MTFMT: variants seen among roughly 807,000 people sequenced by gnomAD.
MTFMT encodes the protein methionyl-tRNA formyltransferase, mitochondrial.
A neutral mutation model predicts 51.8 loss-of-function variants in MTFMT; 47 were observed. That is an observed-to-expected ratio of 0.91 (90% CI 0.72 to 1.16). The LOEUF (loss-of-function observed/expected upper bound fraction) is 1.16, where lower values mean the gene tolerates loss of function less well. MTFMT is among the 50% of genes most tolerant of loss of function. The pLI, the probability that MTFMT is intolerant of heterozygous loss-of-function variation, is 0.00. For synonymous variants in MTFMT, 196 were observed against 176.7 expected (o/e 1.11, Z -0.87); for missense variants, 512 against 482.3 (o/e 1.06, Z -0.58).
chr15:65,018,070 C>T (rs924857108), intron 5 of MTFMT, among the ~76,000 whole-genome samples: 2 of 151,788 alleles, frequency 1.3e-5, no homozygotes, highest in Non-Finnish European at 2.9e-5. Context: ...TATGAGTGTA[C>T]CTTTTTAAGC....
intron 1 of MTFMT, 88 bp downstream of exon 1, chr15:65,029,317 C>T (rs2086457932): frequency 7.5e-7 from 1 of 1,330,202 alleles, no homozygotes; most frequent in African/African-American, 1.5e-5. Flanking sequence ...CTTTCCGCAA[C>T]CAGAAGTCCA....
chr15:65,029,149 G>T (rs1266965322), intron 1 of MTFMT: 3 of 502,414 alleles, frequency 6.0e-6, no homozygotes, highest in African/African-American at 4.2e-5. Flanking sequence ...TCGGCACAGC[G>T]TGGGTGGCAG....
chr15:65,021,445 C>T, intron 4 of MTFMT, 69 bp downstream of exon 4: 2 of 1,166,212 alleles, frequency 1.7e-6, no homozygotes, highest in East Asian at 2.4e-5. Flanking sequence ...CAAAATTGTT[C>T]TTCTTTTTAT....
intron 4 of MTFMT, among the ~76,000 whole-genome samples, chr15:65,021,147 G>A (rs572843197): frequency 6.6e-6 from 1 of 152,322 alleles, no homozygotes; most frequent in African/African-American, 2.4e-5. Context: ...GCAAAGAAAT[G>A]GAAGGAAAGC....
At position 65,029,601 on chromosome 15, in the gene MTFMT, C is replaced by A; in HGVS notation, c.13G>T (p.Val5Leu). The change falls in exon 1 of 9, where the codon GTG (valine) becomes TTG (leucine). Residue 5 changes from valine to leucine, a missense_variant. Val to Leu is a conservative substitution (Grantham distance 32, BLOSUM62 1). Transcript: ENST00000220058. Reference protein sequence around the residue: MRVLVRRCWGPPLAH... With the variant: MRVLLRRCWGPPLAH... ...AGCGGAGGACCCCAACAGCGCCGCA[C>A]CAACACCCTCATCGCCTCGGCCGCC... The A allele has an allele frequency of 2.1e-6, 3 of 1,428,354 alleles. No homozygotes were observed. The highest frequency in any genetic ancestry group is 1.8e-6 in the Non-Finnish European group (2 of 1,086,744). 88.5% of individuals were successfully genotyped at this position (1,428,354 alleles called of 1,614,324 possible).
chr15:65,010,369 C>T (rs1040179214), intron 6 of MTFMT, among the ~76,000 whole-genome samples: 5 of 3,744 alleles, frequency 1.3e-3, no homozygotes, highest in Admixed American at 0.034. Context: ...CCAGAAAAAA[C>T]GCCATCCATT....
intron 3 of MTFMT, among the ~76,000 whole-genome samples, chr15:65,023,469 T>C (rs187597973): frequency 9.2e-5 from 14 of 152,234 alleles, no homozygotes; most frequent in African/African-American, 3.4e-4. Flanking sequence ...ACATATGGAC[T>C]TTAAAGAGAC....
At chr15:65,007,838 C>T (rs1217187137) in intron 6 of MTFMT, among the ~76,000 whole-genome samples, 2 of 152,142 alleles carry the variant, frequency 1.3e-5, no homozygotes, top group Non-Finnish European at 2.9e-5. Flanking sequence ...GGAAATTAGC[C>T]TTTTAACTCT....
At position 65,021,490 on chromosome 15, in the gene MTFMT, C is replaced by T. The variant is rs192433954; in HGVS notation, c.645+24G>A. ...GGAAACCCACTAAATGAGTAAAAAG[C>T]AGTAGGATATTGGGGAATTATACCA... On this transcript the variant is annotated intron_variant, in intron 4 of 8. Transcript: ENST00000220058. The T allele has an allele frequency of 2.2e-5, 34 of 1,539,254 alleles. No homozygotes were observed. The African/African-American group carries it at 2.6e-4, about 12-fold the overall frequency.
In MTFMT at chr15:65,002,001, T is replaced by G. The variant is rs2086179990; in HGVS notation, c.*1061A>C. On this transcript the variant is annotated 3_prime_UTR_variant, in exon 9 of 9. Transcript: ENST00000220058. ...TAGCTGGTAGTGAAATGTAAAGAGC[T>G]GGATTTACTACTTATAGGAAATAAA... 1 of 152,204 alleles carries G rather than the reference T, an allele frequency of 6.6e-6. No individual in the cohort carries two copies. Among genetic ancestry groups the G allele is most frequent in the Non-Finnish European group, 1.5e-5 (1 of 68,040 alleles). 9.4% of individuals were successfully genotyped at this position (152,204 alleles called of 1,614,324 possible).
chr15:65,017,488 T>G (rs2086333687), intron 5 of MTFMT, among the ~76,000 whole-genome samples: 1 of 152,184 alleles, frequency 6.6e-6, no homozygotes, highest in Non-Finnish European at 1.5e-5. Flanking sequence ...TTGGGTTAAT[T>G]ATGATATATT....
At chr15:65,011,482 TGTC>T (rs1220717364) in intron 6 of MTFMT, among the ~76,000 whole-genome samples, 6 of 128,836 alleles carry the variant, frequency 4.7e-5, no homozygotes, top group African/African-American at 8.4e-5. Context: ...TTCTGTAAGC[TGTC>T]TTTTTTTTTT....
intron 6 of MTFMT, among the ~76,000 whole-genome samples, chr15:65,011,649 A>T (rs1034312068): frequency 2.0e-5 from 3 of 151,842 alleles, no homozygotes; most frequent in African/African-American, 7.3e-5. Flanking sequence ...GGTGTGCACC[A>T]TGATGCCCAG....
chr15:65,013,219 C>A (rs762258440), intron 6 of MTFMT, among the ~76,000 whole-genome samples: 1 of 152,068 alleles, frequency 6.6e-6, no homozygotes, highest in East Asian at 1.9e-4. Context: ...AGAGCGCAGA[C>A]ATCTTTATCT....
At chr15:65,013,277 CT>C (rs1287626136) in intron 6 of MTFMT, among the ~76,000 whole-genome samples, 1 of 129,642 alleles carries the variant, frequency 7.7e-6, no homozygotes, top group East Asian at 2.0e-4. Flanking sequence ...TATTTTCTTT[CT>C]TTCTTCTTCT....
intron 4 of MTFMT, among the ~76,000 whole-genome samples, chr15:65,020,869 A>G (rs565958720): frequency 6.6e-5 from 10 of 152,248 alleles, no homozygotes; most frequent in African/African-American, 9.6e-5. Context: ...ACACAAGCCA[A>G]TGTTCAATAA....
intron 6 of MTFMT, among the ~76,000 whole-genome samples, chr15:65,014,723 G>A (rs146750223): frequency 3.6e-3 from 539 of 151,524 alleles, no homozygotes; most frequent in African/African-American, 0.013. Flanking sequence ...TGTCTCCTAG[G>A]TTCAAGCAAT....
Position 65,027,040 on chromosome 15 carries a change from C to A in MTFMT, c.210G>T (p.Arg70Ser), listed in dbSNP as rs2086431524. ...REALRALHAA[R>S]ENKEEELIDK... is the part of the protein sequence containing the mutation. ...CGATTAACTCTTCTTCTTTGTTTTCCCTAAATTAGATAGGAAGAAAAATGT... is the reference window on the plus strand; with the variant it reads ...CGATTAACTCTTCTTCTTTGTTTTCACTAAATTAGATAGGAAGAAAAATGT... Residue 70 changes from arginine to serine, a missense_variant and splice_region_variant, in exon 2 of 9, where the codon AGG becomes AGT. Arg to Ser is a moderately radical substitution (Grantham distance 110). Transcript: ENST00000220058. The A allele has an allele frequency of 6.2e-7, 1 of 1,611,038 alleles. No individual in the cohort carries two copies.
At chr15:65,020,966 C>T (rs1228174568) in intron 4 of MTFMT, among the ~76,000 whole-genome samples, 2 of 152,202 alleles carry the variant, frequency 1.3e-5, no homozygotes, top group African/African-American at 4.8e-5. Context: ...AAATATTCCT[C>T]TGTATAAAAT....
Sources: gnomAD v4.1 joint callset for allele counts (sites outside exome capture counted in the v4.1 genomes callset) on GRCh38, gnomAD v4.1.1 for gene constraint, MANE v1.5 for transcripts, NCBI Gene and HGNC (gene_info 2026-07-23, HGNC 2026-07-21) for gene names.